KIAA1217: variants seen among roughly 807,000 people sequenced by gnomAD.
The protein encoded by KIAA1217 is sickle tail protein homolog.
Under a neutral mutation model 163.9 loss-of-function variants are expected in KIAA1217, and 88 were observed. The ratio of observed to expected loss-of-function variants is 0.54; its 90% CI spans 0.45 to 0.64. The LOEUF (loss-of-function observed/expected upper bound fraction) is 0.64. Ranked by LOEUF, KIAA1217 falls within the 30% of genes least tolerant of loss-of-function variation. The pLI, the probability that KIAA1217 is intolerant of heterozygous loss-of-function variation, is 0.00. For synonymous variants in KIAA1217, 903 were observed against 923.1 expected (o/e 0.98, Z 0.39); for missense variants, 2,372 against 2,475.0 (o/e 0.96, Z 0.88).
chr10:24,266,852 G>C (rs889823958), intron 2 of KIAA1217, among the ~76,000 whole-genome samples: 2 of 152,196 alleles, frequency 1.3e-5, no homozygotes, highest in Non-Finnish European at 2.9e-5. Flanking sequence ...CGATGTGGAA[G>C]CTTTGTCCTT....
intron 2 of KIAA1217, among the ~76,000 whole-genome samples, chr10:24,058,436 A>T (rs1589332421): frequency 2.0e-5 from 3 of 152,136 alleles, no homozygotes; most frequent in African/African-American, 4.8e-5. Flanking sequence ...AAAAAATTTC[A>T]TTGGAATTTT....
intron 2 of KIAA1217, among the ~76,000 whole-genome samples, chr10:24,361,761 G>A (rs1056232347): frequency 6.6e-6 from 1 of 152,036 alleles, no homozygotes; most frequent in Non-Finnish European, 1.5e-5. Context: ...AGATCACGAG[G>A]TCAGGAGATC....
At chr10:24,545,704 G>T in intron 20 of KIAA1217, 123 bp from the exon 21 acceptor site, 1 of 1,491,986 alleles carries the variant, frequency 6.7e-7, no homozygotes, top group Non-Finnish European at 8.9e-7. Flanking sequence ...CTCAGGCCTT[G>T]AACTGTGTTT....
chr10:24,253,391 C>T (rs1051467892), intron 2 of KIAA1217, among the ~76,000 whole-genome samples: 41 of 152,160 alleles, frequency 2.7e-4, no homozygotes, highest in African/African-American at 8.7e-4. Context: ...TAGCTCACCA[C>T]GGTGACCCCC....
chr10:24,144,352 G>C (rs2064213732), intron 2 of KIAA1217, among the ~76,000 whole-genome samples: 1 of 152,180 alleles, frequency 6.6e-6, no homozygotes, highest in Non-Finnish European at 1.5e-5. Flanking sequence ...AAATAGAAGA[G>C]CAGATATTGA....
intron 2 of KIAA1217, among the ~76,000 whole-genome samples, chr10:24,376,687 G>T (rs549573392): frequency 6.6e-6 from 1 of 152,250 alleles, no homozygotes; most frequent in Non-Finnish European, 1.5e-5. Flanking sequence ...GCTTGAGCCT[G>T]GGAGATCGAG....
intron 2 of KIAA1217, among the ~76,000 whole-genome samples, chr10:24,078,482 T>G (rs2061437177): frequency 6.6e-6 from 1 of 152,216 alleles, no homozygotes; most frequent in South Asian, 2.1e-4. Context: ...GGCACACTTT[T>G]CTCTTGAGTG....
At chr10:23,735,451 ATAGT>A (rs1241822164) in intron 1 of KIAA1217, among the ~76,000 whole-genome samples, 1 of 152,114 alleles carries the variant, frequency 6.6e-6, no homozygotes, top group Non-Finnish European at 1.5e-5. Flanking sequence ...TATACTTTAT[ATAGT>A]TAGACTCAAA....
chr10:24,484,569 A>G (rs73604491), intron 6 of KIAA1217, among the ~76,000 whole-genome samples: 1,962 of 151,272 alleles, frequency 0.013, 40 homozygotes, highest in African/African-American at 0.045. Context: ...TCAATGTATT[A>G]TTATTTTAGA....
intron 2 of KIAA1217, among the ~76,000 whole-genome samples, chr10:24,051,003 A>G (rs900995472): frequency 5.3e-5 from 8 of 152,046 alleles, no homozygotes; most frequent in African/African-American, 1.9e-4. Flanking sequence ...GTGATTTCTG[A>G]GATTTTGGTA....
chr10:24,535,453 G>A (rs567969586), intron 16 of KIAA1217, among the ~76,000 whole-genome samples: 36 of 152,252 alleles, frequency 2.4e-4, no homozygotes. Context: ...GAAAACACTA[G>A]GCAATTATTT....
rs138772190 is a variant in KIAA1217 at position 23,957,017 on chromosome 10, C to A, written c.-320-50208C>A. On this transcript the variant is annotated intron_variant, in intron 1 of 18. Coordinates refer to the KIAA1217 transcript ENST00000376462. ...TCCAGTTGCCACCCATGACTCGGGC[C>A]TGCACCACCCCACTGGCTCCTCACC... Among the ~76,000 whole-genome samples the A allele has an allele frequency of 1.2e-4, 19 of 152,296 alleles. No homozygotes were observed. In the East Asian group the frequency reaches 3.7e-3, roughly 29 times the overall value.
rs537454257 is a variant in KIAA1217 at position 24,031,067 on chromosome 10, T to C, written c.-171+23693T>C. Among the ~76,000 whole-genome samples the C allele has an allele frequency of 1.2e-4, 19 of 152,348 alleles. No homozygotes were observed. The South Asian group carries it at 3.9e-3, about 32-fold the overall frequency. On this transcript the variant is annotated intron_variant, in intron 2 of 18. Coordinates refer to the KIAA1217 transcript ENST00000376462. ...CGACAAATGGAATTGCTGCATTTTA[T>C]GGTAATTCTAAGTTTAATTCTTTGA...
chr10:24,105,115 G>T (rs2062573826), intron 2 of KIAA1217, among the ~76,000 whole-genome samples: 1 of 152,112 alleles, frequency 6.6e-6, no homozygotes, highest in African/African-American at 2.4e-5. Flanking sequence ...TTATGTAACT[G>T]TAGAGATGCA....
intron 6 of KIAA1217, among the ~76,000 whole-genome samples, chr10:24,489,343 G>A (rs756917089): frequency 6.6e-6 from 1 of 152,074 alleles, no homozygotes; most frequent in Non-Finnish European, 1.5e-5. Flanking sequence ...ACATCAGCTC[G>A]GCTAGCTGGT....
intron 2 of KIAA1217, among the ~76,000 whole-genome samples, chr10:24,126,560 T>G (rs2063480209): frequency 6.6e-6 from 1 of 152,138 alleles, no homozygotes; most frequent in African/African-American, 2.4e-5. Flanking sequence ...TATGAGCTCA[T>G]CTTCAATGGG....
At position 24,470,257 on chromosome 10, in the gene KIAA1217, C is replaced by T. The variant is rs572073510; in HGVS notation, c.847-2971C>T. ...GTGAGAGAGGTATTTATAGAGGATCCGTGTCGCTCTCCTGCAAAACCTGTG... is the reference window on the plus strand; with the variant it reads ...GTGAGAGAGGTATTTATAGAGGATCTGTGTCGCTCTCCTGCAAAACCTGTG... On this transcript the variant is annotated intron_variant, in intron 5 of 20. Coordinates refer to ENST00000376454, the MANE Select transcript of KIAA1217 (RefSeq NM_019590.5). Among the ~76,000 whole-genome samples the T allele has an allele frequency of 6.2e-4, 94 of 152,274 alleles. No individual in the cohort carries two copies. In the South Asian group the frequency reaches 8.9e-3, roughly 14 times the overall value.
chr10:24,389,933 G>A (rs1331050200), intron 3 of KIAA1217, among the ~76,000 whole-genome samples: 2 of 151,964 alleles, frequency 1.3e-5, no homozygotes, highest in African/African-American at 4.8e-5. Context: ...TGAAGTGAAG[G>A]TGAGGCCCAA....
chr10:24,407,116 C>T (rs894077354), intron 3 of KIAA1217, among the ~76,000 whole-genome samples: 1 of 152,186 alleles, frequency 6.6e-6, no homozygotes, highest in Admixed American at 6.5e-5. Context: ...TCTATAAAAT[C>T]CTGACACATT....
Sources: allele counts gnomAD v4.1 joint callset (sites outside exome capture counted in the v4.1 genomes callset), GRCh38; gene constraint gnomAD v4.1.1; transcripts MANE v1.5; gene names NCBI Gene and HGNC (gene_info 2026-07-23, HGNC 2026-07-21).